The following ASAP2 variants were observed in gnomAD, a reference collection of about 807,000 sequenced individuals.
The protein encoded by ASAP2 is ArfGAP with SH3 domain, ankyrin repeat and PH domain 2.
ASAP2 carries 45 observed loss-of-function variants against 131.4 expected under a neutral mutation model. That is an observed-to-expected ratio of 0.34 (90% CI 0.27 to 0.44). ASAP2 has a LOEUF of 0.44. Among genes scored for constraint, ASAP2 ranks in the 20% least tolerant of loss-of-function variants. The pLI is 1.00. For synonymous variants in ASAP2, 510 were observed against 503.0 expected (o/e 1.01, Z -0.19); for missense variants, 1,011 against 1,297.0 (o/e 0.78, Z 3.39).
intron 7 of ASAP2, among the ~76,000 whole-genome samples, chr2:9,332,059 C>T (rs909284266): frequency 6.6e-6 from 1 of 151,996 alleles, no homozygotes; most frequent in South Asian, 2.1e-4. Context: ...AGCTACTCTG[C>T]TTGGTGGGTT....
At chr2:9,285,636 AG>A (rs1446624455) in intron 2 of ASAP2, among the ~76,000 whole-genome samples, 2 of 152,222 alleles carry the variant, frequency 1.3e-5, no homozygotes, top group Non-Finnish European at 2.9e-5. Context: ...CTCAGCCCAA[AG>A]GTGTTCCTTC....
chr2:9,251,655 G>A (rs1167486824), intron 1 of ASAP2, among the ~76,000 whole-genome samples: 1 of 152,162 alleles, frequency 6.6e-6, no homozygotes, highest in Non-Finnish European at 1.5e-5. Context: ...GCAGCTGGGG[G>A]GCGCACCTTG....
intron 6 of ASAP2, among the ~76,000 whole-genome samples, chr2:9,326,231 C>G (rs1350214308): frequency 6.6e-6 from 1 of 152,084 alleles, no homozygotes; most frequent in East Asian, 1.9e-4. Context: ...AAAACAAAAA[C>G]AAACAAACAA....
At chr2:9,220,897 C>T in intron 1 of ASAP2, among the ~76,000 whole-genome samples, 1 of 152,126 alleles carries the variant, frequency 6.6e-6, no homozygotes, top group South Asian at 2.1e-4. Context: ...GTCCTGGCAC[C>T]ATTTCTTGGG....
At chr2:9,220,285 T>G (rs1662324330) in intron 1 of ASAP2, among the ~76,000 whole-genome samples, 1 of 152,220 alleles carries the variant, frequency 6.6e-6, no homozygotes, top group Non-Finnish European at 1.5e-5. Flanking sequence ...CAGTTTAACT[T>G]TTTGAGGAGC....
chr2:9,320,461 A>G, intron 5 of ASAP2, 124 bp downstream of exon 5: 1 of 697,460 alleles, frequency 1.4e-6, no homozygotes, highest in South Asian at 1.8e-5. Flanking sequence ...TTTATCAGCC[A>G]TGTTGCTGTG....
intron 23 of ASAP2, among the ~76,000 whole-genome samples, chr2:9,393,028 C>T (rs1675840964): frequency 6.6e-6 from 1 of 152,180 alleles, no homozygotes. Context: ...GTTAGTAGCT[C>T]CCATCTCTCC....
intron 14 of ASAP2, among the ~76,000 whole-genome samples, 194 bp from the exon 15 acceptor site, chr2:9,358,562 G>A (rs1672866209): frequency 6.6e-6 from 1 of 152,172 alleles, no homozygotes; most frequent in South Asian, 2.1e-4. Flanking sequence ...GGAAGAAGAG[G>A]GAGAGTAGAT....
intron 1 of ASAP2, among the ~76,000 whole-genome samples, chr2:9,244,078 C>G (rs1450424731): frequency 6.6e-6 from 1 of 152,016 alleles, no homozygotes; most frequent in East Asian, 1.9e-4. Context: ...GGTGGGCGGC[C>G]TATAATCCTA....
intron 22 of ASAP2, 54 bp from the exon 23 acceptor site, chr2:9,391,008 G>GTGTGCACGTGTA: frequency 6.2e-7 from 1 of 1,613,412 alleles, no homozygotes; most frequent in South Asian, 1.1e-5. Context: ...TTTTGTTCGT[G>GTGTGCACGTGTA]TGTGCACGTG....
chr2:9,315,488 G>A (rs1017155989), intron 3 of ASAP2, among the ~76,000 whole-genome samples: 17 of 152,204 alleles, frequency 1.1e-4, no homozygotes, highest in African/African-American at 3.6e-4. Flanking sequence ...TGACTCTTGG[G>A]TGTCAAGCAA....
At chr2:9,228,535 T>C (rs1463342817) in intron 1 of ASAP2, among the ~76,000 whole-genome samples, 1 of 152,088 alleles carries the variant, frequency 6.6e-6, no homozygotes, top group Non-Finnish European at 1.5e-5. Context: ...GTAAACCCAT[T>C]TGGGAGCTGA....
At chr2:9,361,711 G>A (rs756414977) in intron 15 of ASAP2, among the ~76,000 whole-genome samples, 153 of 152,082 alleles carry the variant, frequency 1.0e-3, no homozygotes, top group Admixed American at 2.7e-3. Flanking sequence ...GAGACTACAG[G>A]CAAGTGCTAC....
chr2:9,385,334 T>C lies in ASAP2; in HGVS notation c.2106T>C (p.Asp702=), dbSNP rs1248236485. Residue 702 remains aspartate (D), a synonymous_variant, in exon 21 of 28, where the codon GAT becomes GAC. Transcript: ENST00000281419. ...RLLHEDLDES[D]DDMDEKLQPS... ...TCCACGAAGACCTGGATGAAAGTGA[T>C]GACGACATGGATGAGAAATTGCAGG... 1 of 1,614,054 alleles carries C rather than the reference T, an allele frequency of 6.2e-7. No individual in the cohort carries two copies. The highest frequency in any genetic ancestry group is 8.5e-7 in the Non-Finnish European group (1 of 1,179,862).
chr2:9,303,714 A>G (rs6736216), intron 3 of ASAP2, among the ~76,000 whole-genome samples: 53,632 of 152,182 alleles, frequency 0.35, 9,730 homozygotes, highest in African/African-American at 0.41. Context: ...TGATCGAGAC[A>G]ATGAACAAAT....
At chr2:9,255,301 A>C (rs1284908758) in intron 1 of ASAP2, among the ~76,000 whole-genome samples, 1 of 152,222 alleles carries the variant, frequency 6.6e-6, no homozygotes, top group African/African-American at 2.4e-5. Context: ...CTCTTACCTG[A>C]AGGGCTGTTC....
At chr2:9,271,650 G>T in intron 1 of ASAP2, 1 of 837,848 alleles carries the variant, frequency 1.2e-6, no homozygotes, top group Non-Finnish European at 1.8e-6. Flanking sequence ...TCTTTTTCTC[G>T]GTGGAAATGG....
At chr2:9,238,616 G>T (rs1663721496) in intron 1 of ASAP2, among the ~76,000 whole-genome samples, 2 of 152,198 alleles carry the variant, frequency 1.3e-5, no homozygotes, top group Non-Finnish European at 2.9e-5. Flanking sequence ...TGTTTGCATG[G>T]GGAGGAGAGG....
intron 18 of ASAP2, among the ~76,000 whole-genome samples, chr2:9,377,868 A>G (rs1572587291): frequency 6.6e-6 from 1 of 152,274 alleles, no homozygotes; most frequent in African/African-American, 2.4e-5. Context: ...GGCTGAGTTC[A>G]CTGGACTCGT....
Sources: gnomAD v4.1 joint callset for allele counts (sites outside exome capture counted in the v4.1 genomes callset) on GRCh38, gnomAD v4.1.1 for gene constraint, MANE v1.5 for transcripts, NCBI Gene and HGNC (gene_info 2026-07-23, HGNC 2026-07-21) for gene names.